Variants in DNAH7 observed in about 807,000 individuals in gnomAD.
DNAH7 encodes dynein axonemal heavy chain 7, also known as axonemal beta dynein heavy chain 7.
In DNAH7, 397 loss-of-function variants were observed where a neutral mutation model predicts 444.6. The observed-to-expected ratio is 0.89, with a 90% CI of 0.82 to 0.97. The LOEUF (loss-of-function observed/expected upper bound fraction) is 0.97. Ranked by LOEUF, DNAH7 falls within the 50% of genes least tolerant of loss-of-function variation. The pLI, the probability that DNAH7 is intolerant of heterozygous loss-of-function variation, is 0.00. For missense variants in DNAH7, 4,902 were observed against 4,800.8 expected (o/e 1.02, Z -0.62); for synonymous variants, 1,636 against 1,624.4 (o/e 1.01, Z -0.17).
intron 6 of DNAH7, among the ~76,000 whole-genome samples, chr2:196,027,505 T>C (rs547558414): frequency 1.3e-5 from 2 of 152,204 alleles, no homozygotes; most frequent in South Asian, 4.1e-4. Context: ...TTTTTACATG[T>C]CACTTATTAG....
rs570591947 is a variant in DNAH7, at chr2:195,936,380, C to CA, written c.3272+218dup. On this transcript the variant is annotated intron_variant, in intron 20 of 64. Coordinates refer to ENST00000312428, the MANE Select transcript of DNAH7 (RefSeq NM_018897.3). ...CAAGAGTGAAACTCCATCTCAAAAA[C>CA]AAAAAAACAAACAAAAAAAGAAAAC... Among the ~76,000 whole-genome samples the CA allele has an allele frequency of 4.4e-3, 671 of 151,464 alleles. 6 individuals are homozygous for CA. The highest frequency in any genetic ancestry group is 7.0e-3 in the Non-Finnish European group (474 of 67,842).
intron 3 of DNAH7, among the ~76,000 whole-genome samples, chr2:196,048,877 C>T (rs1304785513): frequency 2.0e-5 from 3 of 152,102 alleles, no homozygotes; most frequent in Non-Finnish European, 4.4e-5. Flanking sequence ...TGGCAGGTGT[C>T]ATAAAAAGGG....
At chr2:195,785,120 T>C (rs1002490179) in intron 58 of DNAH7, among the ~76,000 whole-genome samples, 1 of 151,928 alleles carries the variant, frequency 6.6e-6, no homozygotes, top group African/African-American at 2.4e-5. Flanking sequence ...ACCGTGTTAG[T>C]CAGGATGATC....
At position 195,741,137 on chromosome 2, in the gene DNAH7, A is replaced by AGT. The variant is rs375220368; in HGVS notation, c.11765-270_11765-269dup. ...TTAAACAGGTCTATGGGAAGTTCTC[A>AGT]GTGTGTGTGTGTGAACATTATCAAA... On this transcript the variant is annotated intron_variant, in intron 63 of 64. Coordinates refer to ENST00000312428, the MANE Select transcript of DNAH7 (RefSeq NM_018897.3). 2.9e-4 allele frequency: 52 copies of AGT among 180,962 alleles called. 1 individual carries two copies. The South Asian group carries it at 7.4e-3, about 26-fold the overall frequency. 11.2% of individuals were successfully genotyped at this position (180,962 alleles called of 1,614,324 possible).
rs555292432 is a variant in DNAH7, at chr2:196,042,527, TA to T, written c.398+4824del. ...CATACAGCAGCAGCAAACTACGCAA[TA>T]AAAAAAGGGCCAAATATTTAAATAG... On this transcript the variant is annotated intron_variant, in intron 5 of 64. Coordinates refer to ENST00000312428, the MANE Select transcript of DNAH7 (RefSeq NM_018897.3). 4.6e-5 allele frequency among the ~76,000 whole-genome samples: 7 copies of T among 151,232 alleles called. No individual in the cohort carries two copies. In the East Asian group the frequency reaches 7.7e-4, roughly 17 times the overall value.
chr2:196,059,858 G>A (rs1305467038), intron 1 of DNAH7, among the ~76,000 whole-genome samples: 1 of 152,172 alleles, frequency 6.6e-6, no homozygotes, highest in Non-Finnish European at 1.5e-5. Context: ...AGGCTTTGGG[G>A]AAGGGATGGC....
At chr2:196,001,097 G>A (rs1694006959) in intron 11 of DNAH7, among the ~76,000 whole-genome samples, 2 of 152,096 alleles carry the variant, frequency 1.3e-5, no homozygotes, top group Admixed American at 1.3e-4. Flanking sequence ...GTCAACTACA[G>A]GGTCAAAGTC....
At chr2:195,969,758 C>A (rs975311266) in intron 17 of DNAH7, among the ~76,000 whole-genome samples, 190 bp downstream of exon 17, 9 of 152,090 alleles carry the variant, frequency 5.9e-5, no homozygotes, top group African/African-American at 2.2e-4. Flanking sequence ...GTATCACTAC[C>A]AATAGAAAAC....
intron 41 of DNAH7, 110 bp from the exon 42 acceptor site, chr2:195,862,056 G>T: frequency 1.2e-6 from 1 of 814,972 alleles, no homozygotes; most frequent in Admixed American, 2.5e-5. Context: ...GGAATAGTGT[G>T]AGGGATGGTG....
chr2:195,874,397 T>C (rs1700900563), intron 38 of DNAH7, among the ~76,000 whole-genome samples: 1 of 152,090 alleles, frequency 6.6e-6, no homozygotes, highest in Non-Finnish European at 1.5e-5. Flanking sequence ...TTCCAGAGAA[T>C]GTTCAGAATT....
intron 15 of DNAH7, among the ~76,000 whole-genome samples, chr2:195,976,735 CAG>C (rs1412201245): frequency 7.2e-5 from 4 of 55,782 alleles, no homozygotes; most frequent in African/African-American, 1.8e-4. Flanking sequence ...CAGAGAGAGA[CAG>C]AGAGGCAGAC....
At chr2:196,048,940 A>G (rs1697299263) in intron 3 of DNAH7, among the ~76,000 whole-genome samples, 1 of 152,178 alleles carries the variant, frequency 6.6e-6, no homozygotes, top group Non-Finnish European at 1.5e-5. Context: ...TTGGGAAACA[A>G]CAGTGTGTGG....
intron 1 of DNAH7, 56 bp from the exon 2 acceptor site, chr2:196,058,172 T>C (rs970478216): frequency 6.4e-6 from 9 of 1,401,228 alleles, no homozygotes; most frequent in South Asian, 5.6e-5. Context: ...CTAAAATTGA[T>C]TCACTCAACC....
Position 195,806,842 on chromosome 2 carries a change from C to G in DNAH7, c.10084-10G>C. On this transcript the variant is annotated splice_polypyrimidine_tract_variant and intron_variant, in intron 53 of 64. Coordinates refer to ENST00000312428, the MANE Select transcript of DNAH7 (RefSeq NM_018897.3). ...CCTCATGGTGTGGTTCCTAAAATTA[C>G]AGTGTAAATAATTCAGTTATTTTGG... is the stretch of plus-strand genomic sequence containing the variant. 3.1e-6 allele frequency: 5 copies of G among 1,603,788 alleles called. No homozygotes were observed. The highest frequency in any genetic ancestry group is 4.3e-6 in the Non-Finnish European group (5 of 1,172,086).
At chr2:196,045,188 AG>A (rs1326539811) in intron 5 of DNAH7, among the ~76,000 whole-genome samples, 2 of 148,086 alleles carry the variant, frequency 1.4e-5, no homozygotes, top group African/African-American at 5.1e-5. Context: ...AGAGAAGAGG[AG>A]AAGGAGGAGG....
At chr2:195,940,873 C>T (rs577922291) in intron 19 of DNAH7, among the ~76,000 whole-genome samples, 1 of 152,158 alleles carries the variant, frequency 6.6e-6, no homozygotes, top group Admixed American at 6.5e-5. Flanking sequence ...CAGGAAACAA[C>T]AGATGCTGGA....
intron 19 of DNAH7, among the ~76,000 whole-genome samples, chr2:195,948,773 G>A (rs556959728): frequency 6.6e-6 from 1 of 152,214 alleles, no homozygotes; most frequent in African/African-American, 2.4e-5. Context: ...TTGGCTATAA[G>A]GGCTCTTTTT....
At chr2:196,047,103 A>G (rs188864740) in intron 5 of DNAH7, among the ~76,000 whole-genome samples, 7 of 152,308 alleles carry the variant, frequency 4.6e-5, no homozygotes, top group Admixed American at 3.9e-4. Context: ...TGGCTATAAT[A>G]AGAACTCCCA....
chr2:196,064,369 TAAAAAG>T (rs1319316970), intron 1 of DNAH7, among the ~76,000 whole-genome samples: 2 of 150,770 alleles, frequency 1.3e-5, no homozygotes, highest in African/African-American at 2.4e-5. Context: ...AAATAAATAA[TAAAAAG>T]AAAAACAAAA....
Sources: gnomAD v4.1 joint callset for allele counts (sites outside exome capture counted in the v4.1 genomes callset) on GRCh38, gnomAD v4.1.1 for gene constraint, MANE v1.5 for transcripts, NCBI Gene and HGNC (gene_info 2026-07-23, HGNC 2026-07-21) for gene names.